Variants in CACNB4 observed in about 807,000 individuals in gnomAD.
The protein encoded by CACNB4 is voltage-dependent L-type calcium channel subunit beta-4.
CACNB4 carries 32 observed loss-of-function variants against 71.2 expected under a neutral mutation model. The ratio of observed to expected loss-of-function variants is 0.45; its 90% CI spans 0.34 to 0.60. The LOEUF (loss-of-function observed/expected upper bound fraction) is 0.60. Among genes scored for constraint, CACNB4 ranks in the 20% least tolerant of loss-of-function variants. The pLI, the probability that CACNB4 is intolerant of heterozygous loss-of-function variation, is 0.01. For synonymous variants in CACNB4, 231 were observed against 236.9 expected, an observed-to-expected ratio of 0.97 and a Z score of 0.23; for missense variants, 464 against 647.9, an observed-to-expected ratio of 0.72 and a Z score of 3.08.
intron 12 of CACNB4, among the ~76,000 whole-genome samples, chr2:151,843,391 T>A (rs558530237): frequency 1.1e-4 from 17 of 152,360 alleles, no homozygotes; most frequent in Non-Finnish European, 2.2e-4. Flanking sequence ...CACAACTCAC[T>A]GCAGCCTGGA....
intron 2 of CACNB4, among the ~76,000 whole-genome samples, chr2:151,980,504 G>A (rs2099874515): frequency 6.6e-6 from 1 of 152,160 alleles, no homozygotes. Context: ...TCTTTTAAAT[G>A]TGAGTTCTGT....
chr2:151,978,983 C>T (rs572754990), intron 2 of CACNB4, among the ~76,000 whole-genome samples: 5 of 152,216 alleles, frequency 3.3e-5, no homozygotes, highest in Middle Eastern at 3.4e-3. Context: ...CCCCACTGAA[C>T]GCTGTGTGTT....
intron 2 of CACNB4, among the ~76,000 whole-genome samples, chr2:151,934,179 G>A (rs910186429): frequency 6.6e-6 from 1 of 152,220 alleles, no homozygotes; most frequent in Non-Finnish European, 1.5e-5. Context: ...AAAGGGAAAG[G>A]GAGTGTTACC....
rs544317556 is a variant in CACNB4 at position 152,062,424 on chromosome 2, T to C, written c.147+35906A>G. Among the ~76,000 whole-genome samples, 5 of 152,352 alleles carry C rather than the reference T, an allele frequency of 3.3e-5. No individual in the cohort carries two copies. In the South Asian group the frequency reaches 6.2e-4, roughly 19 times the overall value. The stretch of plus-strand genomic sequence containing the variant: ...TATTTCATTTTTGATCCAGTCTCTC[T>C]ATGTACTGTGTCAGTTGCATAAGGA... On this transcript the variant is annotated intron_variant, in intron 2 of 13. Coordinates refer to ENST00000539935, the MANE Select transcript of CACNB4 (RefSeq NM_000726.5).
intron 2 of CACNB4, among the ~76,000 whole-genome samples, chr2:152,071,840 A>AG (rs1332540882): frequency 1.3e-5 from 2 of 152,254 alleles, no homozygotes; most frequent in African/African-American, 4.8e-5. Context: ...CAACAAACAT[A>AG]GTGCAAATAT....
In CACNB4 at chr2:152,098,888, G is replaced by T; in HGVS notation, c.63+61C>A. 2.4e-6 allele frequency: 3 copies of T among 1,261,884 alleles called. No individual in the cohort carries two copies. Among genetic ancestry groups the T allele is most frequent in the Non-Finnish European group, 3.2e-6 (3 of 926,144 alleles). 78.2% of individuals were successfully genotyped at this position (1,261,884 alleles called of 1,614,324 possible). On this transcript the variant is annotated intron_variant, in intron 1 of 13. Transcript: ENST00000539935. This position sits in a 1 kb window ranked among gnomAD's most constrained non-coding sequence, Gnocchi z 5.3. ...GCACGAAGGCGGGGCGCGCTAGGGC[G>T]GCGGAGGAGGTGTGAGGAAGGAAGA... is the stretch of plus-strand genomic sequence containing the variant.
intron 2 of CACNB4, among the ~76,000 whole-genome samples, chr2:151,908,765 G>T (rs2099855422): frequency 6.6e-6 from 1 of 152,102 alleles, no homozygotes; most frequent in Non-Finnish European, 1.5e-5. Context: ...ATTTAAGTCA[G>T]ACATAGGAAT....
intron 2 of CACNB4, among the ~76,000 whole-genome samples, chr2:152,030,376 C>G (rs2010310): frequency 6.6e-5 from 10 of 152,058 alleles, no homozygotes; most frequent in Non-Finnish European, 1.2e-4. Flanking sequence ...AAATTTTACA[C>G]AAGATCATCA....
intron 2 of CACNB4, among the ~76,000 whole-genome samples, chr2:152,033,288 A>C (rs538764673): frequency 1.3e-5 from 2 of 152,350 alleles, no homozygotes; most frequent in South Asian, 4.1e-4. Flanking sequence ...TGCTTCCATT[A>C]AATCCCCGCT....
At chr2:151,957,487 T>C (rs558858224) in intron 2 of CACNB4, among the ~76,000 whole-genome samples, 7 of 152,258 alleles carry the variant, frequency 4.6e-5, no homozygotes, top group Non-Finnish European at 1.0e-4. Flanking sequence ...ACCAATTACA[T>C]TTTATTTAAA....
At chr2:151,973,040 TA>T (rs1488752048) in intron 2 of CACNB4, 1 of 152,238 alleles carries the variant, frequency 6.6e-6, no homozygotes, top group Non-Finnish European at 1.5e-5. Context: ...GAGCCTGACC[TA>T]GGGGGGAGAA....
At chr2:152,058,803 T>C (rs115037545) in intron 2 of CACNB4, among the ~76,000 whole-genome samples, 1 of 152,232 alleles carries the variant, frequency 6.6e-6, no homozygotes, top group African/African-American at 2.4e-5. Flanking sequence ...GTCAGAGACC[T>C]TCACAGTGGC....
chr2:151,908,015 C>T (rs1050578155), intron 2 of CACNB4, among the ~76,000 whole-genome samples: 3 of 152,162 alleles, frequency 2.0e-5, no homozygotes, highest in Non-Finnish European at 4.4e-5. Flanking sequence ...CTCCAAGAGG[C>T]TTTTGTCCTG....
chr2:152,058,444 T>C (rs1401168517), intron 2 of CACNB4, among the ~76,000 whole-genome samples: 1 of 152,174 alleles, frequency 6.6e-6, no homozygotes, highest in Non-Finnish European at 1.5e-5. Context: ...CTGATAGTGA[T>C]ATGGGCAGTG....
intron 2 of CACNB4, among the ~76,000 whole-genome samples, chr2:151,933,736 T>G (rs2099862226): frequency 6.6e-6 from 1 of 152,196 alleles, no homozygotes; most frequent in Non-Finnish European, 1.5e-5. Flanking sequence ...TACTGGCACT[T>G]GATATCAAAC....
intron 2 of CACNB4, among the ~76,000 whole-genome samples, chr2:152,025,659 T>C (rs1261256134): frequency 1.3e-5 from 2 of 152,184 alleles, no homozygotes; most frequent in Admixed American, 6.6e-5. Flanking sequence ...GCCTCTCTTC[T>C]AAAAGGAAAA....
At chr2:152,088,026 C>T (rs1687755907) in intron 2 of CACNB4, among the ~76,000 whole-genome samples, 1 of 151,950 alleles carries the variant, frequency 6.6e-6, no homozygotes, top group Non-Finnish European at 1.5e-5. Flanking sequence ...ATGCCTAGGG[C>T]TGGGAGGTGG....
chr2:151,939,595 T>A (rs932350480), intron 2 of CACNB4, among the ~76,000 whole-genome samples: 5 of 152,188 alleles, frequency 3.3e-5, no homozygotes, highest in African/African-American at 9.7e-5. Context: ...TGCTCTTCTC[T>A]CTGGCAGGTG....
chr2:151,846,870 T>C (rs552100048), intron 12 of CACNB4, among the ~76,000 whole-genome samples: 1 of 152,276 alleles, frequency 6.6e-6, no homozygotes, highest in East Asian at 1.9e-4. Flanking sequence ...TTTTTAAAGT[T>C]GGCTCATTAC....
Sources: allele counts gnomAD v4.1 joint callset (sites outside exome capture counted in the v4.1 genomes callset), GRCh38; gene constraint gnomAD v4.1.1; non-coding constraint Gnocchi (gnomAD v3.1); transcripts MANE v1.5; gene names NCBI Gene and HGNC (gene_info 2026-07-23, HGNC 2026-07-21).